Variants in MACROD2 observed in about 807,000 individuals in gnomAD.
The protein encoded by MACROD2 is mono-ADP ribosylhydrolase 2, also known as ADP-ribose glycohydrolase MACROD2.
A neutral mutation model predicts 70.4 loss-of-function variants in MACROD2; 36 were observed. That is an observed-to-expected ratio of 0.51 (90% confidence interval 0.39 to 0.68). The LOEUF (loss-of-function observed/expected upper bound fraction) is 0.68. MACROD2 is among the 30% of genes least tolerant of loss of function. MACROD2 has a pLI of 0.00. For missense variants in MACROD2, 496 were observed against 538.4 expected, an observed-to-expected ratio of 0.92 and a Z score of 0.78; for synonymous variants, 172 against 178.8, an observed-to-expected ratio of 0.96 and a Z score of 0.30.
intron 3 of MACROD2, among the ~76,000 whole-genome samples, chr20:14,427,712 G>T (rs1804651559): frequency 1.3e-5 from 2 of 151,970 alleles, no homozygotes; most frequent in South Asian, 2.1e-4. Context: ...ATGTGCAAAG[G>T]TCTGGAAAAC....
chr20:14,375,207 TCA>T (rs1403606002), intron 3 of MACROD2, among the ~76,000 whole-genome samples: 2 of 152,174 alleles, frequency 1.3e-5, no homozygotes, highest in Admixed American at 1.3e-4. Context: ...TAATCAAAAA[TCA>T]CAGAAATACA....
chr20:15,900,532 C>T (rs2147242587), intron 10 of MACROD2, among the ~76,000 whole-genome samples: 1 of 152,276 alleles, frequency 6.6e-6, no homozygotes, highest in South Asian at 2.1e-4. Flanking sequence ...CCACAGAGTC[C>T]TGTTTCAGAG....
intron 8 of MACROD2, among the ~76,000 whole-genome samples, chr20:15,855,243 G>A (rs149294523): frequency 1.6e-3 from 240 of 152,224 alleles, no homozygotes; most frequent in African/African-American, 5.5e-3. Context: ...CCCTCTTCAG[G>A]GCCAGTGGAT....
intron 5 of MACROD2, among the ~76,000 whole-genome samples, chr20:14,746,890 T>G (rs554022008): frequency 6.6e-6 from 1 of 152,180 alleles, no homozygotes; most frequent in Non-Finnish European, 1.5e-5. Context: ...CAAACTACAT[T>G]GTTTCATTCT....
intron 6 of MACROD2, among the ~76,000 whole-genome samples, chr20:15,345,528 T>G (rs2078156420): frequency 6.6e-6 from 1 of 152,182 alleles, no homozygotes; most frequent in Non-Finnish European, 1.5e-5. Flanking sequence ...CCTTTGACAT[T>G]TCATTTCCAG....
intron 8 of MACROD2, among the ~76,000 whole-genome samples, chr20:15,713,804 T>C (rs2050663868): frequency 1.3e-5 from 2 of 152,002 alleles, no homozygotes; most frequent in Admixed American, 6.6e-5. Context: ...CAAAATGATC[T>C]TACCAAAGGG....
chr20:14,607,208 A>T lies in MACROD2; in HGVS notation c.302-77635A>T, dbSNP rs918629558. Among the ~76,000 whole-genome samples, 16 of 152,256 alleles carry T rather than the reference A, an allele frequency of 1.1e-4. No homozygotes were observed. In the East Asian group the frequency reaches 2.9e-3, roughly 28 times the overall value. The stretch of plus-strand genomic sequence containing the variant: ...AAGCAGAGTCAATAGGGGTTCTAAC[A>T]TCTCTCTTCCAGCCCTGGGTTCCTT... On this transcript the variant is annotated intron_variant, in intron 4 of 17. Coordinates refer to ENST00000684519, the MANE Select transcript of MACROD2 (RefSeq NM_001351661.2).
chr20:15,352,447 A>G (rs984327933), intron 6 of MACROD2, among the ~76,000 whole-genome samples: 3 of 152,180 alleles, frequency 2.0e-5, no homozygotes, highest in Non-Finnish European at 4.4e-5. Flanking sequence ...AAATATCTAT[A>G]TATATATTCC....
intron 5 of MACROD2, among the ~76,000 whole-genome samples, chr20:14,919,485 T>G (rs1445872450): frequency 2.0e-5 from 3 of 152,238 alleles, no homozygotes; most frequent in African/African-American, 7.2e-5. Context: ...ATCTATCTGC[T>G]ACTTTGAAAA....
At chr20:15,836,075 G>A (rs1189345732) in intron 8 of MACROD2, among the ~76,000 whole-genome samples, 2 of 122,914 alleles carry the variant, frequency 1.6e-5, no homozygotes, top group African/African-American at 6.7e-5. Context: ...TCCTGAAATT[G>A]TGCAATGAGG....
At chr20:15,929,448 A>G (rs1182680553) in intron 10 of MACROD2, among the ~76,000 whole-genome samples, 2 of 152,072 alleles carry the variant, frequency 1.3e-5, no homozygotes, top group East Asian at 3.8e-4. Context: ...ATATATATAC[A>G]CATATACACA....
intron 3 of MACROD2, among the ~76,000 whole-genome samples, chr20:14,487,809 C>T (rs1419799644): frequency 6.6e-6 from 1 of 152,046 alleles, no homozygotes; most frequent in African/African-American, 2.4e-5. Flanking sequence ...TCTCAGTCTT[C>T]CTATATCTTT....
intron 9 of MACROD2, among the ~76,000 whole-genome samples, chr20:15,877,767 T>C (rs940043867): frequency 5.3e-5 from 8 of 152,154 alleles, no homozygotes; most frequent in African/African-American, 1.9e-4. Flanking sequence ...TAATGAAATA[T>C]TAAAAAGATG....
intron 7 of MACROD2, among the ~76,000 whole-genome samples, chr20:15,483,259 G>A (rs1039036439): frequency 2.5e-4 from 38 of 152,022 alleles, no homozygotes; most frequent in African/African-American, 4.3e-4. Flanking sequence ...TCTGTGTCAC[G>A]ATCCATTTCT....
chr20:14,603,977 C>T (rs913876316), intron 4 of MACROD2, among the ~76,000 whole-genome samples: 2 of 152,112 alleles, frequency 1.3e-5, no homozygotes, highest in Non-Finnish European at 2.9e-5. Context: ...TGACCCTTTC[C>T]AATCTCGCTT....
At chr20:15,711,702 C>T (rs1197668602) in intron 8 of MACROD2, among the ~76,000 whole-genome samples, 1 of 152,206 alleles carries the variant, frequency 6.6e-6, no homozygotes, top group African/African-American at 2.4e-5. Context: ...GTACTACATT[C>T]CTACCAGCAT....
chr20:14,664,672 A>T (rs1259718873), intron 4 of MACROD2, among the ~76,000 whole-genome samples: 1 of 152,100 alleles, frequency 6.6e-6, no homozygotes, highest in Non-Finnish European at 1.5e-5. Context: ...TACCTCTGAT[A>T]TTAGATAAAA....
intron 5 of MACROD2, among the ~76,000 whole-genome samples, chr20:14,762,623 T>G (rs204103): frequency 0.6 from 91,190 of 151,930 alleles, 27,702 homozygotes; most frequent in Non-Finnish European, 0.62. Context: ...GTGTGGAACT[T>G]GGCCTATTAA....
intron 8 of MACROD2, among the ~76,000 whole-genome samples, chr20:15,714,601 A>G (rs913793587): frequency 3.3e-5 from 5 of 152,184 alleles, no homozygotes; most frequent in Non-Finnish European, 7.3e-5. Context: ...CACCTTCCTC[A>G]TAGGGAAGCA....
Sources: gnomAD v4.1 joint callset for allele counts (sites outside exome capture counted in the v4.1 genomes callset) on GRCh38, gnomAD v4.1.1 for gene constraint, MANE v1.5 for transcripts, NCBI Gene and HGNC (gene_info 2026-07-23, HGNC 2026-07-21) for gene names.